ZNF536: variants seen among roughly 807,000 people sequenced by gnomAD.
ZNF536 encodes zinc finger protein 536.
A neutral mutation model predicts 84.5 loss-of-function variants in ZNF536; 13 were observed. That is an observed-to-expected ratio of 0.15 (90% CI 0.10 to 0.24). The LOEUF is 0.24. Ranked by LOEUF, ZNF536 falls within the 10% of genes least tolerant of loss-of-function variation. ZNF536 has a pLI of 1.00. For synonymous variants in ZNF536, 811 were observed against 742.5 expected (o/e 1.09, Z -1.50); for missense variants, 1,536 against 1,747.5 (o/e 0.88, Z 2.16).
At chr19:30,630,373 C>T (rs919923242) in intron 1 of ZNF536, among the ~76,000 whole-genome samples, 1 of 151,730 alleles carries the variant, frequency 6.6e-6, no homozygotes, top group Non-Finnish European at 1.5e-5. Context: ...ATAAAGCAAC[C>T]CAATCCTCAT....
intron 1 of ZNF536, among the ~76,000 whole-genome samples, chr19:30,661,486 G>A (rs991493275): frequency 6.6e-6 from 1 of 152,266 alleles, no homozygotes; most frequent in African/African-American, 2.4e-5. Context: ...AATATAAATA[G>A]GTGCAAGCTT....
intron 1 of ZNF536, among the ~76,000 whole-genome samples, chr19:30,596,413 T>C (rs1468081598): frequency 6.6e-6 from 1 of 152,256 alleles, no homozygotes; most frequent in Non-Finnish European, 1.5e-5. Flanking sequence ...CAAATACTTA[T>C]ATTCTTTGTT....
At chr19:30,469,890 A>AC (rs2053562369) in intron 2 of ZNF536, among the ~76,000 whole-genome samples, 1 of 151,682 alleles carries the variant, frequency 6.6e-6, no homozygotes, top group Non-Finnish European at 1.5e-5. Flanking sequence ...TCCCCAGCCC[A>AC]CCCCCACATC....
intron 1 of ZNF536, among the ~76,000 whole-genome samples, chr19:30,710,389 C>A (rs1003988899): frequency 6.6e-6 from 1 of 152,108 alleles, no homozygotes; most frequent in Admixed American, 6.5e-5. Flanking sequence ...AACAAACAAA[C>A]AAAATTGCTG....
chr19:30,242,993 C>T lies in ZNF536; in HGVS notation c.-190+14320C>T, dbSNP rs964640187. On this transcript the variant is annotated intron_variant, in intron 1 of 5. Coordinates refer to the ZNF536 transcript ENST00000585628. ...AGTCCTGCATACATATCGTATTTCA[C>T]ATCATCGTAACTTAGATGCAAAATA... Among the ~76,000 whole-genome samples the T allele has an allele frequency of 5.3e-5, 8 of 152,060 alleles. 1 individual carries two copies. The highest frequency in any genetic ancestry group is 5.2e-4 in the Admixed American group (8 of 15,248).
chr19:30,693,317 G>C (rs1255498190), intron 1 of ZNF536, among the ~76,000 whole-genome samples: 2 of 151,854 alleles, frequency 1.3e-5, no homozygotes, highest in Non-Finnish European at 2.9e-5. Context: ...ATACAGTCCT[G>C]ATGCTGTGAG....
intron 2 of ZNF536, among the ~76,000 whole-genome samples, chr19:30,305,629 A>G (rs2145996822): frequency 6.6e-6 from 1 of 152,204 alleles, no homozygotes; most frequent in Admixed American, 6.5e-5. Context: ...GGAGGCTGAG[A>G]GTGTTTCTTG....
intron 2 of ZNF536, among the ~76,000 whole-genome samples, chr19:30,525,813 C>A (rs546722385): frequency 2.3e-4 from 35 of 152,236 alleles, no homozygotes; most frequent in African/African-American, 8.4e-4. Flanking sequence ...AAGTTGGGAA[C>A]CAGCCTCAGA....
chr19:30,475,003 T>C (rs2053786000), intron 2 of ZNF536, among the ~76,000 whole-genome samples: 1 of 151,152 alleles, frequency 6.6e-6, no homozygotes, highest in Non-Finnish European at 1.5e-5. Context: ...TAAACAGCAC[T>C]ACCCTATAAT....
chr19:30,434,418 T>G (rs560760602), intron 1 of ZNF536, among the ~76,000 whole-genome samples: 1 of 152,284 alleles, frequency 6.6e-6, no homozygotes, highest in Non-Finnish European at 1.5e-5. Flanking sequence ...TGGCTGTGGC[T>G]TCCTTCTTTC....
chr19:30,356,178 C>T (rs2048089101), intron 3 of ZNF536, among the ~76,000 whole-genome samples: 1 of 152,252 alleles, frequency 6.6e-6, no homozygotes, highest in Admixed American at 6.5e-5. Context: ...AATTTCAGGG[C>T]ATGGTTGTCC....
intron 3 of ZNF536, among the ~76,000 whole-genome samples, chr19:30,364,456 G>A (rs2048364948): frequency 6.6e-6 from 1 of 152,218 alleles, no homozygotes; most frequent in African/African-American, 2.4e-5. Flanking sequence ...GAGCCCAGGG[G>A]TCAGTGAGCC....
chr19:30,388,337 T>C (rs2049431820), intron 1 of ZNF536, among the ~76,000 whole-genome samples: 1 of 152,216 alleles, frequency 6.6e-6, no homozygotes, highest in Non-Finnish European at 1.5e-5. Context: ...TAGATCTTTC[T>C]ACAATTATGG....
Position 30,548,052 on chromosome 19 carries a change from G to A in ZNF536, c.2433G>A (p.Pro811=), listed in dbSNP as rs371262692. The A allele has an allele frequency of 1.0e-4, 164 of 1,613,964 alleles. 1 individual carries two copies. The highest frequency in any genetic ancestry group is 1.2e-4 in the Non-Finnish European group (146 of 1,180,026). ...HHRERQNGAG[P]LSGQPPNQDH... is the part of the protein sequence containing the mutation. ...GGGAGCGGCAGAACGGGGCTGGGCC[G>A]CTGTCTGGGCAACCCCCAAATCAAG... Residue 811 remains proline (P), a synonymous_variant, in exon 4 of 5, where the codon CCG becomes CCA. Transcript: ENST00000355537.
chr19:30,269,738 G>T (rs935886359), intron 1 of ZNF536, among the ~76,000 whole-genome samples: 9 of 152,154 alleles, frequency 5.9e-5, no homozygotes, highest in African/African-American at 2.2e-4. Context: ...CCTGGCCTGT[G>T]TTTGTACTAG....
intron 1 of ZNF536, among the ~76,000 whole-genome samples, chr19:30,604,074 A>G (rs2047787178): frequency 6.6e-6 from 1 of 152,150 alleles, no homozygotes; most frequent in South Asian, 2.1e-4. Context: ...TGGGAGGCAG[A>G]GCAAGACTCC....
At chr19:30,379,226 C>T (rs559320517) in intron 1 of ZNF536, among the ~76,000 whole-genome samples, 130 of 152,322 alleles carry the variant, frequency 8.5e-4, no homozygotes, top group Admixed American at 2.8e-3. Context: ...CCCTCTCCCA[C>T]TTTTGTTTGT....
At chr19:30,452,078 A>G (rs1218283961) in intron 2 of ZNF536, among the ~76,000 whole-genome samples, 1 of 152,180 alleles carries the variant, frequency 6.6e-6, no homozygotes, top group Non-Finnish European at 1.5e-5. Flanking sequence ...GCAGACAGCC[A>G]CAAGGTGTCC....
At chr19:30,589,184 C>A (rs756382434) in intron 1 of ZNF536, among the ~76,000 whole-genome samples, 2 of 152,186 alleles carry the variant, frequency 1.3e-5, no homozygotes. Context: ...GCATCGGTTA[C>A]CACCATCTGT....
Sources: gnomAD v4.1 joint callset for allele counts (sites outside exome capture counted in the v4.1 genomes callset) on GRCh38, gnomAD v4.1.1 for gene constraint, MANE v1.5 for transcripts, NCBI Gene and HGNC (gene_info 2026-07-23, HGNC 2026-07-21) for gene names.